SEMA5A: variants seen among roughly 807,000 people sequenced by gnomAD.
SEMA5A encodes the protein semaphorin 5A, also known as semaphorin-5A.
In SEMA5A, 55 loss-of-function variants were observed where a neutral mutation model predicts 135.5. The ratio of observed to expected loss-of-function variants is 0.41; its 90% CI spans 0.33 to 0.51. SEMA5A has a LOEUF of 0.51. Among genes scored for constraint, SEMA5A ranks in the 20% least tolerant of loss-of-function variants. SEMA5A has a pLI of 0.37. For missense variants in SEMA5A, 1,290 were observed against 1,419.9 expected (o/e 0.91, Z 1.47); for synonymous variants, 580 against 546.5 (o/e 1.06, Z -0.85).
At chr5:9,254,135 G>A (rs1042251112) in intron 5 of SEMA5A, among the ~76,000 whole-genome samples, 12 of 152,106 alleles carry the variant, frequency 7.9e-5, no homozygotes, top group African/African-American at 2.7e-4. Flanking sequence ...ATAGTCAGTG[G>A]AACTTGTAAA....
intron 2 of SEMA5A, among the ~76,000 whole-genome samples, chr5:9,416,317 G>T (rs1757282452): frequency 6.6e-6 from 1 of 152,122 alleles, no homozygotes; most frequent in Admixed American, 6.6e-5. Flanking sequence ...AGGGTCACTG[G>T]GGGAGTGGAC....
At chr5:9,414,485 A>T (rs1757216408) in intron 2 of SEMA5A, among the ~76,000 whole-genome samples, 1 of 152,240 alleles carries the variant, frequency 6.6e-6, no homozygotes, top group Admixed American at 6.5e-5. Flanking sequence ...TGGATCCTGC[A>T]TAAATAGATG....
At chr5:9,271,029 T>C (rs953392224) in intron 5 of SEMA5A, among the ~76,000 whole-genome samples, 1 of 152,118 alleles carries the variant, frequency 6.6e-6, no homozygotes, top group African/African-American at 2.4e-5. Context: ...CCCACCCAAA[T>C]CTCACGTTAA....
intron 8 of SEMA5A, among the ~76,000 whole-genome samples, chr5:9,219,101 G>A (rs988629206): frequency 5.9e-5 from 9 of 152,224 alleles, no homozygotes; most frequent in Admixed American, 2.0e-4. Flanking sequence ...TATGCCCCAA[G>A]GGCCAAGCCT....
At chr5:9,415,962 T>C (rs369624742) in intron 2 of SEMA5A, among the ~76,000 whole-genome samples, 1 of 152,168 alleles carries the variant, frequency 6.6e-6, no homozygotes, top group Non-Finnish European at 1.5e-5. Context: ...TAAAATAAAT[T>C]GTCCTTTCAA....
chr5:9,372,493 C>A (rs1336137282), intron 3 of SEMA5A, among the ~76,000 whole-genome samples: 1 of 152,084 alleles, frequency 6.6e-6, no homozygotes, highest in Non-Finnish European at 1.5e-5. Flanking sequence ...ATGCCTAGAA[C>A]TGTGGACACA....
At chr5:9,120,913 G>A (rs1579431001) in intron 14 of SEMA5A, among the ~76,000 whole-genome samples, 2 of 152,048 alleles carry the variant, frequency 1.3e-5, no homozygotes, top group East Asian at 3.9e-4. Flanking sequence ...CGAGTAGCTG[G>A]GATTACAGGC....
chr5:9,185,969 T>G (rs1454187531), intron 11 of SEMA5A, among the ~76,000 whole-genome samples: 1 of 152,162 alleles, frequency 6.6e-6, no homozygotes, highest in Non-Finnish European at 1.5e-5. Context: ...GAGAAGTGTT[T>G]CCAAGTCAAG....
In SEMA5A at chr5:9,195,168, A is replaced by G. The variant is rs112355238; in HGVS notation, c.1068+2000T>C. ...TTGATATGTAGAAGGCACCAAATAA[A>G]TGATTCTTTTTTGATTTTTAGAGAC... On this transcript the variant is annotated intron_variant, in intron 10 of 22. Transcript: ENST00000382496. 2.8e-4 allele frequency among the ~76,000 whole-genome samples: 42 copies of G among 152,284 alleles called. 1 individual carries two copies. The highest frequency in any genetic ancestry group is 9.1e-4 in the African/African-American group (38 of 41,564).
intron 2 of SEMA5A, among the ~76,000 whole-genome samples, chr5:9,392,922 A>G (rs568435201): frequency 2.0e-5 from 3 of 152,362 alleles, no homozygotes; most frequent in East Asian, 3.9e-4. Context: ...GAGCACTGCT[A>G]TGGAAAAGTA....
At chr5:9,499,560 C>T (rs1377605821) in intron 1 of SEMA5A, among the ~76,000 whole-genome samples, 3 of 152,268 alleles carry the variant, frequency 2.0e-5, no homozygotes, top group East Asian at 3.9e-4. Context: ...TCAGTCAATA[C>T]CTTACATAGA....
chr5:9,162,341 G>C, intron 11 of SEMA5A, among the ~76,000 whole-genome samples: 1 of 150,902 alleles, frequency 6.6e-6, no homozygotes. Flanking sequence ...AGCTAACAAG[G>C]AAAAGCAAGC....
intron 12 of SEMA5A, among the ~76,000 whole-genome samples, chr5:9,136,951 G>A (rs1741792041): frequency 6.6e-6 from 1 of 152,176 alleles, no homozygotes; most frequent in South Asian, 2.1e-4. Context: ...ATATAGCTGT[G>A]CTCACCACTA....
At chr5:9,107,751 A>G (rs933074144) in intron 16 of SEMA5A, among the ~76,000 whole-genome samples, 3 of 152,030 alleles carry the variant, frequency 2.0e-5, no homozygotes, top group Non-Finnish European at 4.4e-5. Flanking sequence ...GTACTTGACC[A>G]TGTTGTGTTT....
chr5:9,427,699 G>A (rs1328777492), intron 2 of SEMA5A, among the ~76,000 whole-genome samples: 2 of 152,184 alleles, frequency 1.3e-5, no homozygotes, highest in East Asian at 3.9e-4. Context: ...GTGCGTGTGT[G>A]TATCCACAGT....
chr5:9,507,504 GC>G (rs1335586711), intron 1 of SEMA5A, among the ~76,000 whole-genome samples: 1 of 152,048 alleles, frequency 6.6e-6, no homozygotes, highest in Non-Finnish European at 1.5e-5. Context: ...AATGCTTATT[GC>G]CCTTTACAGG....
chr5:9,189,579 A>G (rs922075104), intron 11 of SEMA5A, among the ~76,000 whole-genome samples: 1 of 152,186 alleles, frequency 6.6e-6, no homozygotes, highest in East Asian at 1.9e-4. Flanking sequence ...CCACCATGAG[A>G]TGGCTCTGTA....
intron 4 of SEMA5A, among the ~76,000 whole-genome samples, chr5:9,335,471 G>T (rs541995599): frequency 6.6e-6 from 1 of 152,164 alleles, no homozygotes; most frequent in South Asian, 2.1e-4. Context: ...AGAATGAAGC[G>T]CTGGTCTGTT....
intron 16 of SEMA5A, among the ~76,000 whole-genome samples, chr5:9,091,537 A>G (rs1176548471): frequency 2.6e-5 from 4 of 152,216 alleles, no homozygotes; most frequent in Non-Finnish European, 5.9e-5. Context: ...TACAAGCACT[A>G]GATTTGTGGT....
Sources: allele counts gnomAD v4.1 joint callset (sites outside exome capture counted in the v4.1 genomes callset), GRCh38; gene constraint gnomAD v4.1.1; transcripts MANE v1.5; gene names NCBI Gene and HGNC (gene_info 2026-07-23, HGNC 2026-07-21).